Variants in REL observed in about 807,000 individuals in gnomAD.
REL encodes the protein REL proto-oncogene, NF-kB subunit.
REL carries 15 observed loss-of-function variants against 45.9 expected under a neutral mutation model. The observed-to-expected ratio is 0.33, with a 90% CI of 0.22 to 0.50. The LOEUF is 0.50. Among genes scored for constraint, REL ranks in the 20% least tolerant of loss-of-function variants. REL has a pLI of 0.98. For synonymous variants in REL, 239 were observed against 242.1 expected, an observed-to-expected ratio of 0.99 and a Z score of 0.12; for missense variants, 601 against 715.2, an observed-to-expected ratio of 0.84 and a Z score of 1.82.
chr2:60,881,693 G>C lies in REL; in HGVS notation c.-148G>C. 3 of 601,000 alleles carry C rather than the reference G, an allele frequency of 5.0e-6. 1 individual carries two copies. In the South Asian group the frequency reaches 5.7e-5, roughly 11 times the overall value. The allele number at this position is 601,000 out of a possible 1,614,324, so 37.2% of individuals were successfully genotyped here. A position where few individuals can be genotyped will look rare whatever the true frequency, so the allele number is the denominator to read the frequency against. ...AGGTGTGAGCCGCAAACCCAGCGGA[G>C]GGCGGGAAGAAGGAGGAGGCCTCTA... On this transcript the variant is annotated 5_prime_UTR_variant, in exon 1 of 10. Coordinates refer to ENST00000394479, the MANE Select transcript of REL (RefSeq NM_001291746.2).
chr2:60,928,195 C>A lies in REL; in HGVS notation c.*5660C>A, dbSNP rs989245018. 1 of 168,614 alleles carries A rather than the reference C, an allele frequency of 5.9e-6. No homozygotes were observed. The highest frequency in any genetic ancestry group is 2.4e-5 in the African/African-American group (1 of 40,962). The allele number at this position is 168,614 out of a possible 1,614,324, so 10.4% of individuals were successfully genotyped here. ...AAGAGGATACAACCAAATGGAAGAA[C>A]ATTCCATGCTCATGGGTAGGAAGAA... On this transcript the variant is annotated 3_prime_UTR_variant, in exon 10 of 10. Coordinates refer to ENST00000394479, the MANE Select transcript of REL (RefSeq NM_001291746.2).
intron 1 of REL, among the ~76,000 whole-genome samples, chr2:60,886,192 C>G (rs911233055): frequency 6.6e-6 from 1 of 152,200 alleles, no homozygotes; most frequent in African/African-American, 2.4e-5. Flanking sequence ...GCTTTAAAAA[C>G]TATGAAGATT....
chr2:60,919,416 TTTTG>T (rs1162193358), intron 7 of REL, among the ~76,000 whole-genome samples: 1 of 147,394 alleles, frequency 6.8e-6, no homozygotes, highest in African/African-American at 2.7e-5. Context: ...TGTGGGGTTT[TTTTG>T]TTTTTTTGTT....
rs1280501700 is a variant in REL, at chr2:60,929,319, G to C, written c.*6784G>C. 3 of 141,330 alleles carry C rather than the reference G, an allele frequency of 2.1e-5. No homozygotes were observed. The highest frequency in any genetic ancestry group is 2.1e-4 in the Admixed American group (3 of 14,180). The allele number at this position is 141,330 out of a possible 1,614,324, so 8.8% of individuals were successfully genotyped here. ...CGTTTGACCCAGCCATCCCATTACTGGGTATATACCCAAAGGACTATAAAT... is the reference window on the plus strand; with the variant it reads ...CGTTTGACCCAGCCATCCCATTACTCGGTATATACCCAAAGGACTATAAAT... On this transcript the variant is annotated 3_prime_UTR_variant, in exon 10 of 10. Transcript: ENST00000394479.
Position 60,916,932 on chromosome 2 carries a change from G to A in REL, c.450G>A (p.Leu150=), listed in dbSNP as rs2103978127. 2 of 1,613,328 alleles carry A rather than the reference G, an allele frequency of 1.2e-6. No individual in the cohort carries two copies. The highest frequency in any genetic ancestry group is 1.7e-6 in the Non-Finnish European group (2 of 1,179,448). ...ATTGTGACCTCAATGTGGTGAGACT[G>A]TGTTTTCAAGTTTTTCTCCCTGATG... is the stretch of plus-strand genomic sequence containing the variant. ...IEDCDLNVVR[L]CFQVFLPDEH... is the part of the protein sequence containing the mutation. Residue 150 remains leucine (L), a synonymous_variant, in exon 5 of 10, where the codon CTG becomes CTA. Transcript: ENST00000394479.
At chr2:60,899,940 CTT>C (rs1368971539) in intron 3 of REL, 2 of 152,256 alleles carry the variant, frequency 1.3e-5, no homozygotes, top group Non-Finnish European at 1.5e-5. Context: ...ATGGCTATAA[CTT>C]TATATAATGT....
chr2:60,885,765 G>A (rs952240204), intron 1 of REL, among the ~76,000 whole-genome samples: 3 of 152,126 alleles, frequency 2.0e-5, no homozygotes, highest in Non-Finnish European at 4.4e-5. Context: ...GTCTGTCACC[G>A]AGGACCTTTA....
chr2:60,891,257 GTTAAATATAT>G (rs1673202981), intron 1 of REL, among the ~76,000 whole-genome samples: 1 of 152,160 alleles, frequency 6.6e-6, no homozygotes, highest in Non-Finnish European at 1.5e-5. Context: ...AAATCAAGCA[GTTAAATATAT>G]TTAACTCACT....
At chr2:60,920,264 C>T (rs1322217793) in intron 8 of REL, 155 bp downstream of exon 8, 28 of 651,924 alleles carry the variant, frequency 4.3e-5, no homozygotes, top group Non-Finnish European at 7.3e-5. Flanking sequence ...TGCAGTAGGG[C>T]AATCTCAACT....
chr2:60,928,322 A>G lies in REL; in HGVS notation c.*5787A>G, dbSNP rs1484669186. On this transcript the variant is annotated 3_prime_UTR_variant, in exon 10 of 10. Coordinates refer to ENST00000394479, the MANE Select transcript of REL (RefSeq NM_001291746.2). ...TTTCTTCACAGAATTGGAAAAAACTACTTTAAAGTTCATATGGAACCAAAA... is the reference window on the plus strand; with the variant it reads ...TTTCTTCACAGAATTGGAAAAAACTGCTTTAAAGTTCATATGGAACCAAAA... 1 of 152,276 alleles carries G rather than the reference A, an allele frequency of 6.6e-6. No individual in the cohort carries two copies. The highest frequency in any genetic ancestry group is 6.6e-5 in the Admixed American group (1 of 15,254). The allele number at this position is 152,276 out of a possible 1,614,324, so 9.4% of individuals were successfully genotyped here. A position where few individuals can be genotyped will look rare whatever the true frequency, so the allele number is the denominator to read the frequency against.
chr2:60,930,818 C>G lies in REL; in HGVS notation c.*8283C>G, dbSNP rs1674369103. ...ATATTCTTATCAGTTGTTTCCACAACTTTAGTTTACTATTGGACTTTCAAA... is the reference window on the plus strand; with the variant it reads ...ATATTCTTATCAGTTGTTTCCACAAGTTTAGTTTACTATTGGACTTTCAAA... On this transcript the variant is annotated 3_prime_UTR_variant, in exon 10 of 10. Transcript: ENST00000394479. 6.6e-6 allele frequency: 1 copy of G among 152,294 alleles called. No individual in the cohort carries two copies. The highest frequency in any genetic ancestry group is 2.4e-5 in the African/African-American group (1 of 41,440). The allele number at this position is 152,294 out of a possible 1,614,324, so 9.4% of individuals were successfully genotyped here. A position where few individuals can be genotyped will look rare whatever the true frequency, so the allele number is the denominator to read the frequency against.
At chr2:60,892,449 A>T (rs1673237427) in intron 2 of REL, among the ~76,000 whole-genome samples, 3 of 152,194 alleles carry the variant, frequency 2.0e-5, no homozygotes, top group Admixed American at 2.0e-4. Context: ...TATTTTTGAG[A>T]CGGAGTTTCA....
chr2:60,908,692 A>G (rs1177444794), intron 4 of REL, among the ~76,000 whole-genome samples: 1 of 152,234 alleles, frequency 6.6e-6, no homozygotes, highest in Non-Finnish European at 1.5e-5. Context: ...GTTAAACTCC[A>G]TAGAATATCT....
At chr2:60,909,524 T>C (rs1191536378) in intron 4 of REL, among the ~76,000 whole-genome samples, 2 of 152,144 alleles carry the variant, frequency 1.3e-5, no homozygotes, top group Admixed American at 6.6e-5. Context: ...ACTCCTGGGC[T>C]TAAGTGATCC....
intron 1 of REL, among the ~76,000 whole-genome samples, chr2:60,888,170 C>A (rs1673115216): frequency 6.6e-6 from 1 of 152,066 alleles, no homozygotes; most frequent in South Asian, 2.1e-4. Flanking sequence ...CTCAAGTGAT[C>A]CACCCACTTT....
At chr2:60,899,804 A>T (rs1267849694) in intron 3 of REL, 1 of 152,382 alleles carries the variant, frequency 6.6e-6, no homozygotes, top group African/African-American at 2.4e-5. Context: ...TGCTACACAT[A>T]TGCAAATTAG....
Position 60,881,793 on chromosome 2 carries a change from G to A in REL, c.-48G>A, listed in dbSNP as rs1313610033. The A allele has an allele frequency of 2.0e-6, 3 of 1,527,518 alleles. No homozygotes were observed. Among genetic ancestry groups the A allele is most frequent in the South Asian group, 1.2e-5 (1 of 83,500 alleles). 94.6% of individuals were successfully genotyped at this position (1,527,518 alleles called of 1,614,324 possible). On this transcript the variant is annotated 5_prime_UTR_variant, in exon 1 of 10. Transcript: ENST00000394479. Reference sequence around the variant, plus strand: ...TGACTGACTGACTGCGGCCGCCTCCGGCCAGGACGCTGGGAGCTGCCTGCG... The same window carrying A: ...TGACTGACTGACTGCGGCCGCCTCCAGCCAGGACGCTGGGAGCTGCCTGCG...
rs149321248 is a variant in REL, at chr2:60,907,943, C to T, written c.394+6860C>T. Among the ~76,000 whole-genome samples the T allele has an allele frequency of 9.7e-4, 147 of 152,020 alleles. 1 individual carries two copies. The highest frequency in any genetic ancestry group is 3.2e-3 in the African/African-American group (133 of 41,496). On this transcript the variant is annotated intron_variant, in intron 4 of 9. Transcript: ENST00000394479. Reference sequence around the variant, plus strand: ...TCCTGATCTCGTGTTCCGTCCACCTCGGCCTCCCAAAGTGCTGGGATTACA... The same window carrying T: ...TCCTGATCTCGTGTTCCGTCCACCTTGGCCTCCCAAAGTGCTGGGATTACA...
Position 60,921,809 on chromosome 2 carries a change from A to G in REL, c.1038A>G (p.Thr346=). Residue 346 remains threonine (T), a synonymous_variant, in exon 10 of 10, where the codon ACA becomes ACG. Transcript: ENST00000394479. The part of the protein sequence containing the change: ...SHDAVVREMP[T]GVSSQAESYY... Reference sequence around the variant, plus strand: ...ATGCAGTTGTGAGAGAAATGCCTACAGGGGTTTCAAGTCAAGCAGAATCCT... The same window carrying G: ...ATGCAGTTGTGAGAGAAATGCCTACGGGGGTTTCAAGTCAAGCAGAATCCT... 1 of 1,614,058 alleles carries G rather than the reference A, an allele frequency of 6.2e-7. No individual in the cohort carries two copies. Among genetic ancestry groups the G allele is most frequent in the Non-Finnish European group, 8.5e-7 (1 of 1,179,934 alleles).
Sources: allele counts gnomAD v4.1 joint callset (sites outside exome capture counted in the v4.1 genomes callset), GRCh38; gene constraint gnomAD v4.1.1; transcripts MANE v1.5; gene names NCBI Gene and HGNC (gene_info 2026-07-23, HGNC 2026-07-21).